The following PCDHGB2 variants were observed in gnomAD, a reference collection of about 807,000 sequenced individuals.
PCDHGB2 encodes protocadherin gamma subfamily B, 2, also known as protocadherin gamma-B2.
PCDHGB2 carries 55 observed loss-of-function variants against 59.3 expected under a neutral mutation model. The observed-to-expected ratio is 0.93, with a 90% CI of 0.75 to 1.16. The LOEUF is 1.16. Ranked by LOEUF, PCDHGB2 falls within the 50% of genes most tolerant of loss-of-function variation. The pLI is 0.00. For missense variants in PCDHGB2, 1,228 were observed against 1,198.5 expected (o/e 1.02, Z -0.36); for synonymous variants, 516 against 512.0 (o/e 1.01, Z -0.11).
intron 1 of PCDHGB2, among the ~76,000 whole-genome samples, chr5:141,401,328 G>A (rs919361243): frequency 3.3e-5 from 5 of 151,962 alleles, no homozygotes; most frequent in Non-Finnish European, 7.4e-5. Context: ...GGCAACAAGA[G>A]CAAAACTCCA....
rs758202252 is a variant in PCDHGB2 at position 141,361,943 on chromosome 5, G to A, written c.1808G>A (p.Trp603Ter). The A allele has an allele frequency of 1.2e-6, 2 of 1,605,254 alleles. No individual in the cohort carries two copies. The highest frequency in any genetic ancestry group is 2.2e-5 in the South Asian group (2 of 90,894). Residue 603 changes from tryptophan (W) to a stop codon, truncating the protein, a stop_gained, in exon 1 of 4, where the codon TGG becomes TAG. Coordinates refer to ENST00000522605, the MANE Select transcript of PCDHGB2 (RefSeq NM_018923.3). LOFTEE classifies it high-confidence loss of function. ...GACGCAGACTCAGGACACAACGCTT[G>A]GCTGTCCTACCACGTGCTGCAGGCC... ...AVDADSGHNAWLSYHVLQASE... is the reference protein window; with the variant it reads ...AVDADSGHNA
chr5:141,453,560 G>A (rs1230229107), intron 1 of PCDHGB2, among the ~76,000 whole-genome samples: 3 of 151,968 alleles, frequency 2.0e-5, no homozygotes, highest in Admixed American at 6.6e-5. Flanking sequence ...GTAGATAATC[G>A]ATTTCATTAG....
chr5:141,494,153 G>T (rs2099752286), intron 1 of PCDHGB2, among the ~76,000 whole-genome samples: 1 of 152,186 alleles, frequency 6.6e-6, no homozygotes, highest in Non-Finnish European at 1.5e-5. Flanking sequence ...CCATTGTCTG[G>T]CACGGAGTTC....
Position 141,476,461 on chromosome 5 carries a change from G to T in PCDHGB2, c.2422-18346G>T. On this transcript the variant is annotated intron_variant, in intron 1 of 3. Transcript: ENST00000522605. This position sits in a 1 kb window ranked among gnomAD's most constrained non-coding sequence, Gnocchi z 7.6. The stretch of plus-strand genomic sequence containing the variant: ...CTCTGGAGTTGGTAGTGGAGAACCC[G>T]CTGGAGCTGTTCAGCGTGGAAGTGG... The T allele has an allele frequency of 6.2e-7, 1 of 1,614,122 alleles. No homozygotes were observed. Among genetic ancestry groups the T allele is most frequent in the Non-Finnish European group, 8.5e-7 (1 of 1,180,022 alleles).
At chr5:141,420,108 A>G (rs780657975) in intron 1 of PCDHGB2, 1 of 1,614,030 alleles carries the variant, frequency 6.2e-7, no homozygotes, top group Non-Finnish European at 8.5e-7. Flanking sequence ...ACGTTGCCCT[A>G]TGCCTATAAT....
chr5:141,498,284 G>A (rs1339639509), intron 2 of PCDHGB2, among the ~76,000 whole-genome samples: 1 of 152,004 alleles, frequency 6.6e-6, no homozygotes, highest in Non-Finnish European at 1.5e-5. Flanking sequence ...CTTGGTTCAA[G>A]ATCAAGCCAG....
At chr5:141,379,736 T>G (rs1361966211) in intron 1 of PCDHGB2, 1 of 152,178 alleles carries the variant, frequency 6.6e-6, no homozygotes, top group Non-Finnish European at 1.5e-5. Context: ...AAGTTATGGC[T>G]AAATGAGGTT....
intron 1 of PCDHGB2, chr5:141,366,310 C>A: frequency 6.2e-7 from 1 of 1,613,772 alleles, no homozygotes; most frequent in East Asian, 2.2e-5. Flanking sequence ...CCTTCACGGT[C>A]ACCGTTGCCG....
intron 1 of PCDHGB2, chr5:141,417,798 C>G (rs2096163233): frequency 6.7e-7 from 1 of 1,486,352 alleles, no homozygotes; most frequent in African/African-American, 1.4e-5. Flanking sequence ...GCTCTTTTAG[C>G]GCGGTAGAGT....
At position 141,487,339 on chromosome 5, in the gene PCDHGB2, A is replaced by T; in HGVS notation, c.2422-7468A>T. On this transcript the variant is annotated intron_variant, in intron 1 of 3. Coordinates refer to ENST00000522605, the MANE Select transcript of PCDHGB2 (RefSeq NM_018923.3). The surrounding 1 kb of genome is among the most constrained non-coding windows in gnomAD (Gnocchi z 5.0). ...AGTGTCTTCGTGGGGCAGCCTGTGG[A>T]GTCACATGCTTTCCTGCTGGCACCT... The T allele has an allele frequency of 1.9e-6, 3 of 1,614,096 alleles. No individual in the cohort carries two copies. Among genetic ancestry groups the T allele is most frequent in the Non-Finnish European group, 2.5e-6 (3 of 1,180,000 alleles).
intron 1 of PCDHGB2, chr5:141,468,662 C>G (rs1381049343): frequency 6.6e-6 from 1 of 150,534 alleles, no homozygotes; most frequent in East Asian, 2.0e-4. Context: ...GTCAGGAGAT[C>G]AAGACCATCC....
intron 1 of PCDHGB2, chr5:141,372,172 C>A: frequency 6.2e-7 from 1 of 1,613,722 alleles, no homozygotes; most frequent in Non-Finnish European, 8.5e-7. Flanking sequence ...AAGGTGGTGG[C>A]GGTGGACGCA....
Position 141,490,055 on chromosome 5 carries a change from G to A in PCDHGB2, c.2422-4752G>A, listed in dbSNP as rs746297447. The A allele has an allele frequency of 1.9e-6, 3 of 1,614,068 alleles. No individual in the cohort carries two copies. The Admixed American group carries it at 5.0e-5, about 27-fold the overall frequency. On this transcript the variant is annotated intron_variant, in intron 1 of 3. Transcript: ENST00000522605. This position sits in a 1 kb window ranked among gnomAD's most constrained non-coding sequence, Gnocchi z 5.4. ...CTCAATGCCACTGATCCAGACGAGG[G>A]CACCAACGGCCAACTAGACTATTCT...
At chr5:141,369,035 T>C (rs1765998324) in intron 1 of PCDHGB2, among the ~76,000 whole-genome samples, 1 of 152,204 alleles carries the variant, frequency 6.6e-6, no homozygotes. Context: ...TGCCTAGTTT[T>C]AGAGTAACAA....
rs1334965321 is a variant in PCDHGB2, at chr5:141,432,195, C to T, written c.2422-62612C>T. 3 of 1,614,088 alleles carry T rather than the reference C, an allele frequency of 1.9e-6. No homozygotes were observed. The Admixed American group carries it at 5.0e-5, about 27-fold the overall frequency. ...CTCGTCTCTGTGACCGCCCACGACC[C>T]CGACTGTGAAGAGAACGCCCAGATC... On this transcript the variant is annotated intron_variant, in intron 1 of 3. Transcript: ENST00000522605. This position sits in a 1 kb window ranked among gnomAD's most constrained non-coding sequence, Gnocchi z 6.0.
intron 1 of PCDHGB2, among the ~76,000 whole-genome samples, chr5:141,405,996 G>A (rs2094743914): frequency 6.6e-6 from 1 of 151,746 alleles, no homozygotes; most frequent in Non-Finnish European, 1.5e-5. Flanking sequence ...GTAGCTCTCA[G>A]CCTGCATTGA....
intron 1 of PCDHGB2, among the ~76,000 whole-genome samples, chr5:141,463,726 A>G (rs6888081): frequency 0.29 from 44,573 of 151,836 alleles, 7,596 homozygotes; most frequent in African/African-American, 0.48. Flanking sequence ...GATTACAGGC[A>G]TGAGCCACCG....
chr5:141,416,759 C>T (rs1045872662), intron 1 of PCDHGB2: 2 of 152,130 alleles, frequency 1.3e-5, no homozygotes, highest in African/African-American at 4.8e-5. Flanking sequence ...TTAGGTAGAT[C>T]TCTTAATTTT....
intron 1 of PCDHGB2, chr5:141,383,529 G>C (rs367939205): frequency 2.4e-5 from 39 of 1,612,356 alleles, no homozygotes; most frequent in Non-Finnish European, 3.1e-5. Flanking sequence ...TTCACCACCT[G>C]GTCCTCACAG....
Sources: allele counts gnomAD v4.1 joint callset (sites outside exome capture counted in the v4.1 genomes callset), GRCh38; gene constraint gnomAD v4.1.1; non-coding constraint Gnocchi (gnomAD v3.1); transcripts MANE v1.5; gene names NCBI Gene and HGNC (gene_info 2026-07-23, HGNC 2026-07-21).